Variants in ETF1 observed in about 807,000 individuals in gnomAD.
ETF1 encodes eukaryotic peptide chain release factor subunit 1.
Under a neutral mutation model 55.1 loss-of-function variants are expected in ETF1, and 4 were observed. The ratio of observed to expected loss-of-function variants is 0.07; its 90% CI spans 0.04 to 0.17. ETF1 has a LOEUF of 0.17. Among genes scored for constraint, ETF1 ranks in the 10% least tolerant of loss-of-function variants. ETF1 has a pLI of 1.00. For synonymous variants in ETF1, 157 were observed against 182.3 expected (o/e 0.86, Z 1.12); for missense variants, 142 against 523.6 (o/e 0.27, Z 7.11).
intron 3 of ETF1, 164 bp from the exon 4 acceptor site, chr5:138,517,864 T>G: frequency 1.0e-6 from 1 of 985,154 alleles, no homozygotes; most frequent in Non-Finnish European, 1.2e-6. Flanking sequence ...CTCTCCCTAA[T>G]TTTAAAACTT....
At chr5:138,536,359 C>A (rs1342832970) in intron 2 of ETF1, among the ~76,000 whole-genome samples, 1 of 152,158 alleles carries the variant, frequency 6.6e-6, no homozygotes, top group Non-Finnish European at 1.5e-5. Flanking sequence ...TCCTCTGAAC[C>A]TGAAAGGATT....
chr5:138,541,474 G>T (rs1303261488), intron 2 of ETF1: 13 of 1,373,338 alleles, frequency 9.5e-6, no homozygotes, highest in Non-Finnish European at 1.2e-5. Context: ...ATTCCAAACA[G>T]AACTGTCCCT....
At chr5:138,532,465 T>C (rs972352292) in intron 2 of ETF1, among the ~76,000 whole-genome samples, 5 of 152,172 alleles carry the variant, frequency 3.3e-5, no homozygotes, top group South Asian at 4.1e-4. Context: ...GGAGAGCAGA[T>C]AGTAACTGAT....
intron 2 of ETF1, chr5:138,529,767 T>C (rs571153470): frequency 4.6e-5 from 44 of 959,290 alleles, no homozygotes; most frequent in Non-Finnish European, 5.0e-5. Flanking sequence ...AGATAATTTT[T>C]TTAGAGATGG....
At chr5:138,519,247 C>T (rs1765138270) in intron 2 of ETF1, 4 of 964,764 alleles carry the variant, frequency 4.1e-6, no homozygotes, top group African/African-American at 3.5e-5. Context: ...GAGTGGGAGA[C>T]GCCATGACAG....
intron 4 of ETF1, among the ~76,000 whole-genome samples, chr5:138,517,276 C>T (rs1348496184): frequency 1.3e-5 from 2 of 151,892 alleles, no homozygotes; most frequent in Admixed American, 6.6e-5. Context: ...GAGGCTGAGA[C>T]AGGAGAATCC....
intron 4 of ETF1, among the ~76,000 whole-genome samples, chr5:138,516,586 G>A (rs1765029027): frequency 6.6e-6 from 1 of 152,166 alleles, no homozygotes; most frequent in African/African-American, 2.4e-5. Context: ...GGTTGCAGTG[G>A]GCCAAGATTG....
At chr5:138,510,496 C>T in intron 9 of ETF1, 69 bp downstream of exon 9, 1 of 1,190,316 alleles carries the variant, frequency 8.4e-7, no homozygotes, top group South Asian at 1.3e-5. Context: ...TCACCCTCTA[C>T]ACAGCCAGTA....
At chr5:138,520,934 CCAAAAAAAAAA>C (rs1162050629) in intron 2 of ETF1, among the ~76,000 whole-genome samples, 1 of 151,692 alleles carries the variant, frequency 6.6e-6, no homozygotes, top group Non-Finnish European at 1.5e-5. Flanking sequence ...GGTAGCTCTT[CCAAAAAAAAAA>C]ATTTTTTTTT....
chr5:138,517,924 C>T (rs1047608205), intron 3 of ETF1: 14 of 983,210 alleles, frequency 1.4e-5, no homozygotes, highest in African/African-American at 1.2e-4. Flanking sequence ...ACAGGCTGGA[C>T]GTGGTGGTGG....
chr5:138,513,318 G>T, intron 5 of ETF1: 1 of 554,134 alleles, frequency 1.8e-6, no homozygotes, highest in Non-Finnish European at 2.3e-6. Context: ...TGCAACCTCC[G>T]TCTCCCGGGT....
intron 2 of ETF1, among the ~76,000 whole-genome samples, chr5:138,536,456 G>C (rs1320401720): frequency 6.6e-6 from 1 of 152,184 alleles, no homozygotes; most frequent in East Asian, 1.9e-4. Context: ...CATACTCTCT[G>C]AGGACAGTAC....
chr5:138,516,538 G>A (rs1765026626), intron 4 of ETF1, among the ~76,000 whole-genome samples: 2 of 152,198 alleles, frequency 1.3e-5, no homozygotes, highest in Non-Finnish European at 2.9e-5. Flanking sequence ...TATTCAGGAG[G>A]CTTGAGGCAC....
At chr5:138,517,758 A>T in intron 3 of ETF1, 58 bp from the exon 4 acceptor site, 1 of 1,358,144 alleles carries the variant, frequency 7.4e-7, no homozygotes. Context: ...TTCGTCAATT[A>T]ATAGAAAATG....
At chr5:138,517,521 A>G (rs1765072081) in intron 4 of ETF1, 40 bp downstream of exon 4, 1 of 1,371,826 alleles carries the variant, frequency 7.3e-7, no homozygotes, top group African/African-American at 1.4e-5. Context: ...CGGGGAAAGA[A>G]TTCTGGAGCG....
At chr5:138,520,676 G>C (rs962377998) in intron 2 of ETF1, among the ~76,000 whole-genome samples, 1 of 151,994 alleles carries the variant, frequency 6.6e-6, no homozygotes, top group Non-Finnish European at 1.5e-5. Flanking sequence ...TAATCAGCTG[G>C]GTGTCACGTG....
intron 2 of ETF1, among the ~76,000 whole-genome samples, chr5:138,525,775 A>C (rs990625416): frequency 1.3e-5 from 2 of 151,798 alleles, no homozygotes; most frequent in African/African-American, 4.8e-5. Context: ...GTGAAACCCC[A>C]TCTCTACTAA....
chr5:138,513,922 T>C, intron 4 of ETF1: 1 of 887,084 alleles, frequency 1.1e-6, no homozygotes, highest in Non-Finnish European at 1.4e-6. Flanking sequence ...ATGATATCTA[T>C]GTGAAGCTTT....
chr5:138,524,002 C>T (rs1765347722), intron 2 of ETF1, among the ~76,000 whole-genome samples: 1 of 152,000 alleles, frequency 6.6e-6, no homozygotes, highest in African/African-American at 2.4e-5. Context: ...TATGGTGAAA[C>T]CTCACCTCTA....
Sources: gnomAD v4.1 joint callset for allele counts (sites outside exome capture counted in the v4.1 genomes callset) on GRCh38, gnomAD v4.1.1 for gene constraint, MANE v1.5 for transcripts, NCBI Gene and HGNC (gene_info 2026-07-23, HGNC 2026-07-21) for gene names.